Variants in NCKAP5 observed in about 807,000 individuals in gnomAD.
NCKAP5 encodes the protein NCK associated protein 5, also known as nck-associated protein 5.
A neutral mutation model predicts 167.0 loss-of-function variants in NCKAP5; 92 were observed. The ratio of observed to expected loss-of-function variants is 0.55; its 90% CI spans 0.47 to 0.66. The LOEUF (loss-of-function observed/expected upper bound fraction) is 0.66. Among genes scored for constraint, NCKAP5 ranks in the 30% least tolerant of loss-of-function variants. The pLI, the probability that NCKAP5 is intolerant of heterozygous loss-of-function variation, is 0.00. For synonymous variants in NCKAP5, 891 were observed against 877.4 expected (o/e 1.02, Z -0.27); for missense variants, 2,378 against 2,315.0 (o/e 1.03, Z -0.56).
chr2:133,598,494 C>G, the NCKAP5 span, among the ~76,000 whole-genome samples: 1 of 152,198 alleles, frequency 6.6e-6, no homozygotes, highest in East Asian at 1.9e-4. Context: ...CAAAAACTCA[C>G]AGCTTGACCT....
rs143329173 is a variant in NCKAP5 at position 132,993,761 on chromosome 2, T to G, written c.429+391A>C. Among the ~76,000 whole-genome samples, 293 of 152,298 alleles carry G rather than the reference T, an allele frequency of 1.9e-3. 3 individuals are homozygous for G. The highest frequency in any genetic ancestry group is 6.8e-3 in the African/African-American group (283 of 41,570). ...CTATTCCACAGGCCCACCTTAAATG[T>G]CACACCTCTGGCAAGTATTTATTCC... On this transcript the variant is annotated intron_variant, in intron 7 of 19. Transcript: ENST00000409261.
the NCKAP5 span, among the ~76,000 whole-genome samples, chr2:133,630,410 G>C: frequency 6.6e-6 from 1 of 152,172 alleles, no homozygotes; most frequent in African/African-American, 2.4e-5. Context: ...ACACGTATCT[G>C]TGAACACACT....
chr2:133,029,238 G>T (rs2078798410), intron 6 of NCKAP5, among the ~76,000 whole-genome samples: 1 of 152,162 alleles, frequency 6.6e-6, no homozygotes, highest in Non-Finnish European at 1.5e-5. Context: ...CAGCAATGAG[G>T]CAGATAGGTA....
chr2:132,756,718 T>A (rs1452399989), intron 16 of NCKAP5, among the ~76,000 whole-genome samples: 3 of 152,226 alleles, frequency 2.0e-5, no homozygotes, highest in African/African-American at 7.2e-5. Flanking sequence ...GGGTCAATGG[T>A]GAGGGGAAAT....
At chr2:132,859,053 G>T (rs1689689268) in intron 11 of NCKAP5, among the ~76,000 whole-genome samples, 2 of 152,082 alleles carry the variant, frequency 1.3e-5, no homozygotes, top group Non-Finnish European at 2.9e-5. Context: ...ATAAATGCAA[G>T]ATCCCCTATG....
chr2:132,919,421 T>A (rs957917653), intron 8 of NCKAP5, among the ~76,000 whole-genome samples: 1 of 152,184 alleles, frequency 6.6e-6, no homozygotes, highest in African/African-American at 2.4e-5. Flanking sequence ...CAGCAGCACA[T>A]GTAGCTTGCT....
At chr2:132,711,645 A>G (rs749282454) in intron 19 of NCKAP5, among the ~76,000 whole-genome samples, 6 of 152,202 alleles carry the variant, frequency 3.9e-5, no homozygotes, top group Non-Finnish European at 7.3e-5. Flanking sequence ...GAGTATGAGT[A>G]TAGTCTTTAT....
intron 1 of NCKAP5, among the ~76,000 whole-genome samples, chr2:133,562,784 A>G (rs1340031051): frequency 2.0e-5 from 3 of 152,258 alleles, no homozygotes; most frequent in Non-Finnish European, 4.4e-5. Flanking sequence ...AGATTAATTT[A>G]TGTAACTACG....
chr2:132,792,779 G>A (rs538899076), intron 12 of NCKAP5, among the ~76,000 whole-genome samples: 16 of 152,250 alleles, frequency 1.1e-4, no homozygotes, highest in South Asian at 2.1e-4. Context: ...TGTCCTTCCC[G>A]CCTGTTCTTC....
chr2:133,468,770 A>T lies in NCKAP5; in HGVS notation c.69+48688T>A, dbSNP rs187624223. Among the ~76,000 whole-genome samples the T allele has an allele frequency of 7.4e-4, 113 of 152,226 alleles. 1 individual carries two copies. The highest frequency in any genetic ancestry group is 3.4e-3 in the Middle Eastern group (1 of 294). On this transcript the variant is annotated intron_variant, in intron 3 of 19. Coordinates refer to ENST00000409261, the MANE Select transcript of NCKAP5 (RefSeq NM_207363.3). Reference sequence around the variant, plus strand: ...ATCCCTTTACCATTATGTAATGGCCATCTTTGTCTCTTTTGATCTTTGTTG... The same window carrying T: ...ATCCCTTTACCATTATGTAATGGCCTTCTTTGTCTCTTTTGATCTTTGTTG...
At chr2:132,891,645 G>T (rs1692720721) in intron 8 of NCKAP5, among the ~76,000 whole-genome samples, 1 of 152,218 alleles carries the variant, frequency 6.6e-6, no homozygotes, top group Non-Finnish European at 1.5e-5. Flanking sequence ...GAAAAAAACT[G>T]TGTGTGATTT....
chr2:133,643,752 T>C, the NCKAP5 span, among the ~76,000 whole-genome samples: 1 of 152,216 alleles, frequency 6.6e-6, no homozygotes, highest in African/African-American at 2.4e-5. Context: ...CCAGTCTTTC[T>C]ACCTCCATCC....
rs370082895 is a variant in NCKAP5, at chr2:133,326,958, C to T, written c.70-23848G>A. On this transcript the variant is annotated intron_variant, in intron 3 of 19. Transcript: ENST00000409261. The stretch of plus-strand genomic sequence containing the variant: ...TCGCAACTGCTGCTGCTGCTGCTGC[C>T]GCCAGCCTGGGAACCACATTCTGAG... Among the ~76,000 whole-genome samples the T allele has an allele frequency of 2.0e-5, 3 of 152,278 alleles. No individual in the cohort carries two copies. The East Asian group carries it at 5.8e-4, about 29-fold the overall frequency.
intron 11 of NCKAP5, among the ~76,000 whole-genome samples, chr2:132,857,324 C>T (rs1373592008): frequency 6.6e-6 from 1 of 152,026 alleles, no homozygotes; most frequent in Non-Finnish European, 1.5e-5. Context: ...TTCTGGTCTC[C>T]CACAATTTAT....
intron 8 of NCKAP5, among the ~76,000 whole-genome samples, chr2:132,905,031 T>C (rs1028213638): frequency 3.9e-5 from 6 of 152,338 alleles, no homozygotes; most frequent in Admixed American, 2.6e-4. Flanking sequence ...AATCAAAAAG[T>C]CCTTTTCCCA....
chr2:132,725,547 G>A (rs1690366469), intron 19 of NCKAP5, 80 bp downstream of exon 19: 2 of 1,462,758 alleles, frequency 1.4e-6, no homozygotes, highest in Non-Finnish European at 1.8e-6. Flanking sequence ...AGAGGGTGGG[G>A]GCCGAGCACA....
At chr2:133,095,451 G>A (rs551594909) in intron 6 of NCKAP5, among the ~76,000 whole-genome samples, 28 of 152,248 alleles carry the variant, frequency 1.8e-4, no homozygotes, top group African/African-American at 5.5e-4. Context: ...AAGAACTTCT[G>A]AACTCAAGTC....
chr2:132,837,941 C>G (rs1450808733), intron 11 of NCKAP5, among the ~76,000 whole-genome samples: 3 of 151,818 alleles, frequency 2.0e-5, no homozygotes, highest in African/African-American at 7.3e-5. Flanking sequence ...GTTCTGGCAG[C>G]TGGACAGAAG....
chr2:133,212,446 C>T (rs917949459), intron 5 of NCKAP5, among the ~76,000 whole-genome samples: 3 of 152,214 alleles, frequency 2.0e-5, no homozygotes, highest in African/African-American at 7.2e-5. Flanking sequence ...CGGCTCGCTG[C>T]AACCTCCGCC....
Sources: gnomAD v4.1 joint callset for allele counts (sites outside exome capture counted in the v4.1 genomes callset) on GRCh38, gnomAD v4.1.1 for gene constraint, MANE v1.5 for transcripts, NCBI Gene and HGNC (gene_info 2026-07-23, HGNC 2026-07-21) for gene names.